NT5DC2: variants seen among roughly 807,000 people sequenced by gnomAD.
NT5DC2 encodes 5'-nucleotidase domain containing 2, also known as 5'-nucleotidase domain-containing protein 2.
In NT5DC2, 41 loss-of-function variants were observed where a neutral mutation model predicts 70.0. The observed-to-expected ratio is 0.59, with a 90% CI of 0.46 to 0.76. NT5DC2 has a LOEUF of 0.76. Among genes scored for constraint, NT5DC2 ranks in the 30% least tolerant of loss-of-function variants. The pLI is 0.00. For missense variants in NT5DC2, 705 were observed against 783.2 expected (o/e 0.90, Z 1.19); for synonymous variants, 299 against 310.4 (o/e 0.96, Z 0.39).
chr3:52,533,406 C>T lies in NT5DC2; in HGVS notation c.232+100G>A, dbSNP rs1380889552. The T allele has an allele frequency of 1.3e-5, 17 of 1,278,124 alleles. 1 individual carries two copies. The Admixed American group carries it at 4.2e-4, about 31-fold the overall frequency. The allele number at this position is 1,278,124 out of a possible 1,614,324, so 79.2% of individuals were successfully genotyped here. On this transcript the variant is annotated intron_variant, in intron 1 of 13. Coordinates refer to ENST00000422318, the MANE Select transcript of NT5DC2 (RefSeq NM_001134231.2). ...TGCGCTCCGGGGCCCTGGCGAGCCCCACTGGGTGTTTCCCCGGAGGAGCGG... is the reference window on the plus strand; with the variant it reads ...TGCGCTCCGGGGCCCTGGCGAGCCCTACTGGGTGTTTCCCCGGAGGAGCGG...
At position 52,524,605 on chromosome 3, in the gene NT5DC2, C is replaced by T. The variant is rs1227808750; in HGVS notation, c.1539G>A (p.Leu513=). 7 of 1,613,198 alleles carry T rather than the reference C, an allele frequency of 4.3e-6. No homozygotes were observed. The South Asian group carries it at 6.6e-5, about 15-fold the overall frequency. Residue 513 remains leucine, a synonymous_variant, in exon 14 of 14, where the codon CTG becomes CTA. Transcript: ENST00000422318. The part of the protein sequence containing the change: ...SDLYMASLSC[L]LNYRVDFTFY... ...AGGTGAAGTCCACGCGGTAGTTGAG[C>T]AGGCAGCTGAGGGAGGCCATGTAGA...
chr3:52,530,990 C>G (rs1398134902), intron 1 of NT5DC2, among the ~76,000 whole-genome samples: 2 of 152,208 alleles, frequency 1.3e-5, no homozygotes, highest in African/African-American at 4.8e-5. Flanking sequence ...TCAGCCACAA[C>G]CCCAGTGCCG....
chr3:52,529,440 GC>G lies in NT5DC2; in HGVS notation c.233-107del. On this transcript the variant is annotated intron_variant, in intron 1 of 13. Transcript: ENST00000422318. The surrounding 1 kb of genome is among the most constrained non-coding windows in gnomAD (Gnocchi z 4.1). ...ACCTAGCCCTGTGAGCCTCAGAAACGCCCCACAATGGCACCTCTTATTCCAG... is the reference window on the plus strand; with the variant it reads ...ACCTAGCCCTGTGAGCCTCAGAAACGCCCACAATGGCACCTCTTATTCCAG... 1 of 1,026,434 alleles carries G rather than the reference GC, an allele frequency of 9.7e-7. No individual in the cohort carries two copies. Among genetic ancestry groups the G allele is most frequent in the Non-Finnish European group, 1.4e-6 (1 of 693,074 alleles). The allele number at this position is 1,026,434 out of a possible 1,614,324, so 63.6% of individuals were successfully genotyped here. A position where few individuals can be genotyped will look rare whatever the true frequency, so the allele number is the denominator to read the frequency against.
Position 52,525,297 on chromosome 3 carries a change from T to C in NT5DC2, c.1120-2A>G. On this transcript the variant is annotated splice_acceptor_variant, in intron 10 of 13. Transcript: ENST00000422318. LOFTEE classifies it high-confidence loss of function. ...GCGTAAGAAGTCAAACAGGTTTCCC[T>C]AGGGAGAGGAGGGGAATGCTGCTGA... 2 of 1,611,722 alleles carry C rather than the reference T, an allele frequency of 1.2e-6. No individual in the cohort carries two copies. Among genetic ancestry groups the C allele is most frequent in the South Asian group, 1.1e-5 (1 of 90,794 alleles).
chr3:52,528,628 C>G lies in NT5DC2; in HGVS notation c.548+9G>C. The G allele has an allele frequency of 6.3e-7, 1 of 1,576,644 alleles. No individual in the cohort carries two copies. The highest frequency in any genetic ancestry group is 8.6e-7 in the Non-Finnish European group (1 of 1,161,596). On this transcript the variant is annotated intron_variant, in intron 4 of 13. Transcript: ENST00000422318. The stretch of plus-strand genomic sequence containing the variant: ...GGGCGGGGGTGGGGTTGGGGCAGAG[C>G]CGACTGACCTGTAGGCTGTCCCCAG...
upstream of NT5DC2, chr3:52,534,906 G>A (rs560740542): frequency 2.0e-6 from 1 of 496,200 alleles, no homozygotes; most frequent in Non-Finnish European, 3.6e-6. Flanking sequence ...GGATGGGCTC[G>A]AGTGTGGCGG....
upstream of NT5DC2, chr3:52,534,644 C>CCACT (rs767764182): frequency 3.7e-6 from 6 of 1,612,558 alleles, no homozygotes; most frequent in Non-Finnish European, 4.2e-6. Context: ...GAACCGCTCT[C>CCACT]CACTCGCATT....
Position 52,527,696 on chromosome 3 carries a change from C to A in NT5DC2, c.958G>T (p.Val320Leu), listed in dbSNP as rs1235436625. 3 of 1,613,182 alleles carry A rather than the reference C, an allele frequency of 1.9e-6. No homozygotes were observed. The African/African-American group carries it at 4.0e-5, about 22-fold the overall frequency. ...SFVDKGMRHMVGPDWRQLFDV... is the reference protein window; with the variant it reads ...SFVDKGMRHMLGPDWRQLFDV... ...AAGAGCTGGCGCCAATCGGGACCCA[C>A]CATGTGCCGCATCCCCTTGTCTCTG... is the stretch of plus-strand genomic sequence containing the variant. Residue 320 changes from valine (V) to leucine (L), a missense_variant, in exon 9 of 14, where the codon GTG (valine) becomes TTG (leucine). By Grantham distance (32) the Val-to-Leu change is conservative. Coordinates refer to ENST00000422318, the MANE Select transcript of NT5DC2 (RefSeq NM_001134231.2).
At position 52,531,727 on chromosome 3, in the gene NT5DC2, T is replaced by C. The variant is rs1243892693; in HGVS notation, c.232+1779A>G. Among the ~76,000 whole-genome samples the C allele has an allele frequency of 2.0e-5, 3 of 149,940 alleles. No individual in the cohort carries two copies. The highest frequency in any genetic ancestry group is 4.9e-5 in the African/African-American group (2 of 40,900). On this transcript the variant is annotated intron_variant, in intron 1 of 13. Transcript: ENST00000422318. This position sits in a 1 kb window ranked among gnomAD's most constrained non-coding sequence, Gnocchi z 4.1. ...GTGTCCCACTCAGCATGTCCAGCAA[T>C]TGCCCTCCTTTCTCCTCAGCCCTAG...
At position 52,524,476 on chromosome 3, in the gene NT5DC2, G is replaced by A; in HGVS notation, c.1668C>T (p.Ile556=). The change falls in exon 14 of 14, where the codon ATC becomes ATT. Residue 556 remains isoleucine (I), a synonymous_variant. Transcript: ENST00000422318. ...CCAGACAATAAAGGTGCCCTCAGCG[G>A]ATGTGGGCCATGTCACCAAGGAAGG... ...KTPFLGDMAH[I]R 3 of 1,612,824 alleles carry A rather than the reference G, an allele frequency of 1.9e-6. No homozygotes were observed. Among genetic ancestry groups the A allele is most frequent in the South Asian group, 1.1e-5 (1 of 91,082 alleles).
rs1314645917 is a variant in NT5DC2, at chr3:52,531,410, G to C, written c.233-2076C>G. ...GGCCCTGAGTTCCCGGATACCAACTGTGACTGTGACTCTTGGTGCAGAAGA... is the reference window on the plus strand; with the variant it reads ...GGCCCTGAGTTCCCGGATACCAACTCTGACTGTGACTCTTGGTGCAGAAGA... On this transcript the variant is annotated intron_variant, in intron 1 of 13. Transcript: ENST00000422318. The surrounding 1 kb of genome is among the most constrained non-coding windows in gnomAD (Gnocchi z 4.1). Among the ~76,000 whole-genome samples, 4 of 152,118 alleles carry C rather than the reference G, an allele frequency of 2.6e-5. No individual in the cohort carries two copies. The highest frequency in any genetic ancestry group is 5.9e-5 in the Non-Finnish European group (4 of 68,010).
chr3:52,528,364 T>C, intron 5 of NT5DC2, 53 bp from the exon 6 acceptor site: 1 of 1,613,166 alleles, frequency 6.2e-7, no homozygotes, highest in Non-Finnish European at 8.5e-7. Flanking sequence ...ACCCCTTCAG[T>C]GCTGGAGACG....
At chr3:52,526,475 T>A (rs2079275280) in intron 10 of NT5DC2, 1 of 152,264 alleles carries the variant, frequency 6.6e-6, no homozygotes, top group African/African-American at 2.4e-5. Flanking sequence ...TAAACCTTAA[T>A]CACTGCCTGC....
At chr3:52,527,957 G>A (rs753888001) in intron 7 of NT5DC2, 26 bp from the exon 8 acceptor site, 5 of 1,613,332 alleles carry the variant, frequency 3.1e-6, no homozygotes, top group Non-Finnish European at 4.2e-6. Context: ...AGTCTGTGAG[G>A]GTCAGTCCTG....
rs2079239071 is a variant in NT5DC2 at position 52,525,225 on chromosome 3, A to C, written c.1190T>G (p.Leu397Arg). 1 of 1,612,118 alleles carries C rather than the reference A, an allele frequency of 6.2e-7. No homozygotes were observed. The stretch of plus-strand genomic sequence containing the variant: ...CTCCCTCACCGCCAGATCACTATAG[A>C]GGTGGTCCCCGAAGTAGAGCACGCG... Reference protein sequence around the residue: ...GPRVLYFGDHLYSDLADLMLR... With the variant: ...GPRVLYFGDHRYSDLADLMLR... The change falls in exon 11 of 14, where the codon CTC (leucine) becomes CGC (arginine). Residue 397 changes from leucine (L) to arginine (R), a missense_variant. Physicochemically the swap from Leu to Arg is moderately radical, Grantham distance 102. Transcript: ENST00000422318.
chr3:52,534,397 C>T (rs942812182), upstream of NT5DC2: 15 of 1,444,168 alleles, frequency 1.0e-5, no homozygotes, highest in Non-Finnish European at 1.4e-5. Flanking sequence ...GGTGCCAGGC[C>T]CACGCTGGGG....
chr3:52,524,927 C>T, intron 12 of NT5DC2, 36 bp downstream of exon 12: 1 of 1,612,484 alleles, frequency 6.2e-7, no homozygotes, highest in East Asian at 2.2e-5. Context: ...CAGGAGGCTA[C>T]CGCCCTGGCC....
Position 52,524,404 on chromosome 3 carries a change from T to A in NT5DC2, c.*66A>T. ...AGCATGCACAGGGAGGAGACCACTT[T>A]TATTGCTTGTCTGGGTGGATGGGGC... On this transcript the variant is annotated 3_prime_UTR_variant, in exon 14 of 14. Transcript: ENST00000422318. 1 of 1,612,422 alleles carries A rather than the reference T, an allele frequency of 6.2e-7. No individual in the cohort carries two copies. Among genetic ancestry groups the A allele is most frequent in the Non-Finnish European group, 8.5e-7 (1 of 1,179,304 alleles).
At chr3:52,527,769 T>G (rs1196368448) in intron 8 of NT5DC2, 51 bp from the exon 9 acceptor site, 1 of 1,607,134 alleles carries the variant, frequency 6.2e-7, no homozygotes, top group African/African-American at 1.3e-5. Context: ...GCTCCGTGCC[T>G]GCCCTCCCCA....
Sources: gnomAD v4.1 joint callset for allele counts (sites outside exome capture counted in the v4.1 genomes callset) on GRCh38, gnomAD v4.1.1 for gene constraint, Gnocchi (gnomAD v3.1) non-coding constraint, MANE v1.5 for transcripts, NCBI Gene and HGNC (gene_info 2026-07-23, HGNC 2026-07-21) for gene names.